Variants in CLSTN2 observed in about 807,000 individuals in gnomAD.
CLSTN2 encodes the protein calsyntenin-2.
Under a neutral mutation model 101.2 loss-of-function variants are expected in CLSTN2, and 48 were observed. The ratio of observed to expected loss-of-function variants is 0.47; its 90% CI spans 0.38 to 0.60. The LOEUF (loss-of-function observed/expected upper bound fraction) is 0.60, where lower values mean the gene tolerates loss of function less well. Ranked by LOEUF, CLSTN2 falls within the 20% of genes least tolerant of loss-of-function variation. CLSTN2 has a pLI of 0.00. For synonymous variants in CLSTN2, 481 were observed against 463.6 expected, an observed-to-expected ratio of 1.04 and a Z score of -0.48; for missense variants, 1,160 against 1,238.2, an observed-to-expected ratio of 0.94 and a Z score of 0.95.
At chr3:140,450,186 T>A (rs1052241296) in intron 6 of CLSTN2, 3 of 152,096 alleles carry the variant, frequency 2.0e-5, no homozygotes, top group Non-Finnish European at 2.9e-5. Flanking sequence ...AGGTGAAAAA[T>A]TTGAGGCCCA....
chr3:140,403,677 C>T lies in CLSTN2; in HGVS notation c.281C>T (p.Ala94Val). Residue 94 changes from alanine (A) to valine (V), a missense_variant, in exon 3 of 17, where the codon GCT becomes GTT. By Grantham distance (64) the Ala-to-Val change is moderately conservative. Coordinates refer to ENST00000458420, the MANE Select transcript of CLSTN2 (RefSeq NM_022131.3). The stretch of plus-strand genomic sequence containing the variant: ...CATGGCCAGGAGCTGCCCTTTGAGG[C>T]TGTGGTGCTCAACAAGACATCAGGA... ...KIHGQELPFE[A>V]VVLNKTSGEG... 2 of 1,614,112 alleles carry T rather than the reference C, an allele frequency of 1.2e-6. No homozygotes were observed. Among genetic ancestry groups the T allele is most frequent in the African/African-American group, 1.3e-5 (1 of 75,062 alleles).
intron 8 of CLSTN2, among the ~76,000 whole-genome samples, chr3:140,530,449 A>G (rs548484494): frequency 1.3e-5 from 2 of 152,370 alleles, no homozygotes; most frequent in South Asian, 4.1e-4. Context: ...TCAATCTAGC[A>G]TACTTTGGAA....
chr3:140,522,290 T>C (rs1193452153), intron 8 of CLSTN2, among the ~76,000 whole-genome samples: 1 of 152,216 alleles, frequency 6.6e-6, no homozygotes, highest in Non-Finnish European at 1.5e-5. Context: ...CATTCCTCTC[T>C]GTGAGTGCCA....
intron 1 of CLSTN2, among the ~76,000 whole-genome samples, chr3:139,945,637 A>G (rs1434881142): frequency 1.3e-5 from 2 of 152,194 alleles, no homozygotes; most frequent in African/African-American, 4.8e-5. Context: ...ATAAATTTTC[A>G]GGAAGAACCA....
At chr3:140,527,684 T>C (rs1024084921) in intron 8 of CLSTN2, among the ~76,000 whole-genome samples, 5 of 152,172 alleles carry the variant, frequency 3.3e-5, no homozygotes, top group African/African-American at 1.2e-4. Flanking sequence ...CCATCAACAG[T>C]GGGCTGAATA....
chr3:140,557,402 A>G (rs1935820782), intron 11 of CLSTN2, among the ~76,000 whole-genome samples: 1 of 152,222 alleles, frequency 6.6e-6, no homozygotes, highest in Non-Finnish European at 1.5e-5. Flanking sequence ...AGTTACATTC[A>G]ATAGTTCTAG....
At chr3:140,241,856 CACAT>C in intron 2 of CLSTN2, among the ~76,000 whole-genome samples, 1 of 138,930 alleles carries the variant, frequency 7.2e-6, no homozygotes, top group Non-Finnish European at 1.5e-5. Flanking sequence ...TATATATATA[CACAT>C]ATATATACAC....
chr3:140,519,794 C>T (rs1934991655), intron 8 of CLSTN2, among the ~76,000 whole-genome samples: 1 of 152,128 alleles, frequency 6.6e-6, no homozygotes, highest in Admixed American at 6.5e-5. Context: ...TAAATTGGAA[C>T]ATTTAGCTCA....
chr3:140,068,477 CT>C (rs1432175072), intron 1 of CLSTN2, among the ~76,000 whole-genome samples: 1 of 152,226 alleles, frequency 6.6e-6, no homozygotes, highest in Non-Finnish European at 1.5e-5. Context: ...TGCAAATGGA[CT>C]TGAAAGAATC....
intron 1 of CLSTN2, among the ~76,000 whole-genome samples, chr3:140,094,397 T>G (rs1338495217): frequency 2.0e-5 from 3 of 152,212 alleles, no homozygotes; most frequent in African/African-American, 7.2e-5. Flanking sequence ...TGACTTGAAT[T>G]AAGGATATTT....
At chr3:140,397,323 T>C (rs1279112470) in intron 2 of CLSTN2, among the ~76,000 whole-genome samples, 1 of 152,206 alleles carries the variant, frequency 6.6e-6, no homozygotes, top group Non-Finnish European at 1.5e-5. Context: ...GGTATTTTAA[T>C]AATATTATTG....
chr3:140,173,474 C>A (rs1360857100), intron 1 of CLSTN2, among the ~76,000 whole-genome samples: 1 of 152,196 alleles, frequency 6.6e-6, no homozygotes, highest in African/African-American at 2.4e-5. Flanking sequence ...ATCTAGCATT[C>A]TGGGGTCTGG....
chr3:140,088,521 C>T (rs2107784447), intron 1 of CLSTN2, among the ~76,000 whole-genome samples: 1 of 152,310 alleles, frequency 6.6e-6, no homozygotes, highest in East Asian at 1.9e-4. Context: ...GCCACCAAGT[C>T]TACACTGACA....
intron 1 of CLSTN2, among the ~76,000 whole-genome samples, chr3:139,978,194 A>T (rs1274478419): frequency 1.3e-5 from 2 of 152,202 alleles, no homozygotes; most frequent in East Asian, 3.9e-4. Flanking sequence ...TGAGTCTAAC[A>T]AAACCAAGTA....
intron 6 of CLSTN2, among the ~76,000 whole-genome samples, chr3:140,454,943 A>G (rs1933360029): frequency 6.6e-6 from 1 of 151,820 alleles, no homozygotes; most frequent in South Asian, 2.1e-4. Flanking sequence ...CCAGCAGTCC[A>G]TACGGCACTT....
intron 2 of CLSTN2, among the ~76,000 whole-genome samples, chr3:140,382,633 A>G (rs1050610258): frequency 6.6e-6 from 1 of 152,154 alleles, no homozygotes; most frequent in Non-Finnish European, 1.5e-5. Flanking sequence ...TGGAGCTGCT[A>G]TAATAAAACA....
At chr3:140,000,011 C>T (rs1205905475) in intron 1 of CLSTN2, among the ~76,000 whole-genome samples, 1 of 151,752 alleles carries the variant, frequency 6.6e-6, no homozygotes, top group Non-Finnish European at 1.5e-5. Flanking sequence ...TCCTCCCTCC[C>T]TCCCTCCCTC....
chr3:140,116,142 A>G (rs2009239155), intron 1 of CLSTN2, among the ~76,000 whole-genome samples: 1 of 152,122 alleles, frequency 6.6e-6, no homozygotes, highest in African/African-American at 2.4e-5. Flanking sequence ...AACCTTAGTC[A>G]TACACATCCA....
Position 140,459,524 on chromosome 3 carries a change from C to A in CLSTN2, c.977C>A (p.Ala326Asp). The A allele has an allele frequency of 2.5e-6, 4 of 1,613,742 alleles. No individual in the cohort carries two copies. In the South Asian group the frequency reaches 3.3e-5, roughly 13 times the overall value. ...TTTCTTTCCTGACCCTCTGCAGGAG[C>A]CTCCTCTGGCATCATTGACCTCTTG... ...SEKSLQKLCG[A>D]SSGIIDLLPS... The change falls in exon 7 of 17, where the codon GCC becomes GAC. Residue 326 changes from alanine (A) to aspartate (D), a missense_variant. Transcript: ENST00000458420.
Sources: allele counts gnomAD v4.1 joint callset (sites outside exome capture counted in the v4.1 genomes callset), GRCh38; gene constraint gnomAD v4.1.1; transcripts MANE v1.5; gene names NCBI Gene and HGNC (gene_info 2026-07-23, HGNC 2026-07-21).